SERF2: variants seen among roughly 807,000 people sequenced by gnomAD.
SERF2 encodes the protein small EDRK-rich factor 2, also known as gastric cancer-related protein VRG107.
SERF2 carries 4 observed loss-of-function variants against 10.7 expected under a neutral mutation model. The ratio of observed to expected loss-of-function variants is 0.37; its 90% confidence interval spans 0.18 to 0.86. The LOEUF (loss-of-function observed/expected upper bound fraction) is 0.86, where lower values mean the gene tolerates loss of function less well. SERF2 is among the 40% of genes least tolerant of loss of function. The pLI is 0.43. For synonymous variants in SERF2, 26 were observed against 26.0 expected, an observed-to-expected ratio of 1.00 and a Z score of 0.01; for missense variants, 47 against 79.1, an observed-to-expected ratio of 0.59 and a Z score of 1.54.
At chr15:43,781,482 G>A (rs2086963517) in intron 1 of SERF2, among the ~76,000 whole-genome samples, 1 of 151,958 alleles carries the variant, frequency 6.6e-6, no homozygotes, top group Non-Finnish European at 1.5e-5. Context: ...AACCCAGGAG[G>A]CAGAGGTTTC....
intron 1 of SERF2, among the ~76,000 whole-genome samples, chr15:43,782,745 G>T (rs2086974256): frequency 2.0e-5 from 3 of 151,952 alleles, no homozygotes; most frequent in Admixed American, 2.0e-4. Context: ...CCTCATTTTG[G>T]TGCAAAGCCT....
In SERF2 at chr15:43,794,842, A is replaced by T; in HGVS notation, c.*1069A>T. The T allele has an allele frequency of 1.6e-6, 1 of 628,498 alleles. No individual in the cohort carries two copies. The highest frequency in any genetic ancestry group is 2.8e-6 in the Non-Finnish European group (1 of 358,036). The allele number at this position is 628,498 out of a possible 1,614,324, so 38.9% of individuals were successfully genotyped here. On this transcript the variant is annotated 3_prime_UTR_variant, in exon 3 of 3. Transcript: ENST00000249786. ...TCAGACACTCTGCCCAGCACATTAGACTGTGTTTGACCACTTCTTCCAGTT... is the reference window on the plus strand; with the variant it reads ...TCAGACACTCTGCCCAGCACATTAGTCTGTGTTTGACCACTTCTTCCAGTT...
intron 2 of SERF2, 160 bp from the exon 3 acceptor site, chr15:43,793,550 C>G (rs1263174300): frequency 6.7e-7 from 1 of 1,498,670 alleles, no homozygotes; most frequent in South Asian, 1.3e-5. Flanking sequence ...TTTTGAGCCT[C>G]AGCTCTCTTC....
At chr15:43,789,147 TAAAAA>T (rs59711546), upstream of SERF2, among the ~76,000 whole-genome samples, 1 of 127,560 alleles carries the variant, frequency 7.8e-6, no homozygotes, top group African/African-American at 2.8e-5. Flanking sequence ...AGACTCTGTC[TAAAAA>T]AAAAAAAAAA....
chr15:43,791,324 T>C (rs2141676452), upstream of SERF2, among the ~76,000 whole-genome samples: 1 of 147,052 alleles, frequency 6.8e-6, no homozygotes, highest in Non-Finnish European at 1.5e-5. Context: ...TCACTGCAAC[T>C]TCCGCCTCCC....
At chr15:43,791,058 T>C (rs537283054), upstream of SERF2, among the ~76,000 whole-genome samples, 1 of 146,296 alleles carries the variant, frequency 6.8e-6, no homozygotes, top group South Asian at 2.2e-4. Flanking sequence ...GTGAGCCACC[T>C]TGCCCAGCCT....
chr15:43,795,023 C>T lies in SERF2; in HGVS notation c.*1250C>T. On this transcript the variant is annotated 3_prime_UTR_variant, in exon 3 of 3. Coordinates refer to ENST00000249786, the MANE Select transcript of SERF2 (RefSeq NM_001018108.4). ...ACTTAGACTGGAGGATATTTGTTATCTGGGGATATGATGCGGTGGCGGCGG... is the reference window on the plus strand; with the variant it reads ...ACTTAGACTGGAGGATATTTGTTATTTGGGGATATGATGCGGTGGCGGCGG... 1.9e-6 allele frequency: 3 copies of T among 1,611,126 alleles called. No individual in the cohort carries two copies. The highest frequency in any genetic ancestry group is 1.3e-5 in the African/African-American group (1 of 74,884).
chr15:43,795,807 C>T lies in SERF2; in HGVS notation c.*2034C>T. ...GGGTGTTAATCTAGGAAACTTCCCCCGTGAAAAGATTGGTCTAGTATTAAA... is the reference window on the plus strand; with the variant it reads ...GGGTGTTAATCTAGGAAACTTCCCCTGTGAAAAGATTGGTCTAGTATTAAA... On this transcript the variant is annotated 3_prime_UTR_variant, in exon 3 of 3. Coordinates refer to ENST00000249786, the MANE Select transcript of SERF2 (RefSeq NM_001018108.4). 3 of 1,518,572 alleles carry T rather than the reference C, an allele frequency of 2.0e-6. No individual in the cohort carries two copies. The highest frequency in any genetic ancestry group is 1.2e-5 in the South Asian group (1 of 84,674). 94.1% of individuals were successfully genotyped at this position (1,518,572 alleles called of 1,614,324 possible). A position where few individuals can be genotyped will look rare whatever the true frequency, so the allele number is the denominator to read the frequency against.
intron 1 of SERF2, among the ~76,000 whole-genome samples, chr15:43,781,701 C>A (rs768510303): frequency 6.0e-5 from 9 of 150,258 alleles, no homozygotes; most frequent in Non-Finnish European, 1.3e-4. Context: ...AAGCGATTCT[C>A]CTGCCTCAGC....
At chr15:43,780,871 TTC>T (rs1177578820) in intron 1 of SERF2, among the ~76,000 whole-genome samples, 2 of 152,198 alleles carry the variant, frequency 1.3e-5, no homozygotes, top group African/African-American at 4.8e-5. Context: ...GCATGAGTTT[TTC>T]TCTCTTTTTT....
exon 1 of SERF2, chr15:43,777,121 C>A (rs770463237): frequency 3.3e-5 from 25 of 750,566 alleles, no homozygotes; most frequent in Admixed American, 8.1e-5. Flanking sequence ...CGGACCTCGG[C>A]GCTTTCTTCT....
chr15:43,795,723 C>A lies in SERF2; in HGVS notation c.*1950C>A, dbSNP rs2087198781. ...CTCCACTGTTTCAGGGCAGCAGAAA[C>A]ACAGTGAGGGCTTCTGCAAAACAGA... is the stretch of plus-strand genomic sequence containing the variant. On this transcript the variant is annotated 3_prime_UTR_variant, in exon 3 of 3. Coordinates refer to ENST00000249786, the MANE Select transcript of SERF2 (RefSeq NM_001018108.4). 6.2e-7 allele frequency: 1 copy of A among 1,614,000 alleles called. No homozygotes were observed. The highest frequency in any genetic ancestry group is 2.2e-5 in the East Asian group (1 of 44,880).
At chr15:43,787,778 A>C (rs1034622108), upstream of SERF2, among the ~76,000 whole-genome samples, 2 of 151,052 alleles carry the variant, frequency 1.3e-5, no homozygotes, top group Non-Finnish European at 2.9e-5. Flanking sequence ...AGCTCACTGC[A>C]GTGTCAACCT....
intron 2 of SERF2, chr15:43,793,466 A>C (rs894938510): frequency 8.8e-7 from 1 of 1,137,292 alleles, no homozygotes; most frequent in African/African-American, 1.6e-5. Flanking sequence ...TCCTCAATAC[A>C]GAATAGAGAC....
At chr15:43,787,171 T>G (rs2087014691) in intron 2 of SERF2, among the ~76,000 whole-genome samples, 1 of 151,774 alleles carries the variant, frequency 6.6e-6, no homozygotes, top group Non-Finnish European at 1.5e-5. Context: ...GGCTAATTTT[T>G]TGTATTTTTA....
At chr15:43,785,235 A>G (rs1031259349) in intron 1 of SERF2, among the ~76,000 whole-genome samples, 7 of 148,988 alleles carry the variant, frequency 4.7e-5, no homozygotes, top group Non-Finnish European at 1.0e-4. Context: ...CACCCGGCTA[A>G]TTTTTGTATT....
Position 43,794,086 on chromosome 15 carries a change from G to T in SERF2, c.*313G>T, listed in dbSNP as rs1724141328. 1 of 1,075,288 alleles carries T rather than the reference G, an allele frequency of 9.3e-7. No homozygotes were observed. Among genetic ancestry groups the T allele is most frequent in the African/African-American group, 1.6e-5 (1 of 62,776 alleles). The allele number at this position is 1,075,288 out of a possible 1,614,324, so 66.6% of individuals were successfully genotyped here. A position where few individuals can be genotyped will look rare whatever the true frequency, so the allele number is the denominator to read the frequency against. On this transcript the variant is annotated 3_prime_UTR_variant, in exon 3 of 3. Transcript: ENST00000249786. ...TTGACTGGGGACTTGGGGGGATGGG[G>T]TTGGAAGAATGACTGCCCTTTCCCA...
chr15:43,780,816 A>AC (rs2086958639), intron 1 of SERF2, among the ~76,000 whole-genome samples: 1 of 152,196 alleles, frequency 6.6e-6, no homozygotes, highest in South Asian at 2.1e-4. Context: ...TTAATGATGC[A>AC]CTGTGGCCAT....
chr15:43,787,048 G>C (rs2087013433), intron 2 of SERF2, among the ~76,000 whole-genome samples: 1 of 148,158 alleles, frequency 6.7e-6, no homozygotes, highest in Admixed American at 6.8e-5. Flanking sequence ...GCCCAGGCTG[G>C]AGTGCAGTGG....
Sources: allele counts gnomAD v4.1 joint callset (sites outside exome capture counted in the v4.1 genomes callset), GRCh38; gene constraint gnomAD v4.1.1; transcripts MANE v1.5; gene names NCBI Gene and HGNC (gene_info 2026-07-23, HGNC 2026-07-21).